The following PCDHA5 variants were observed in gnomAD, a reference collection of about 807,000 sequenced individuals.
PCDHA5 encodes protocadherin alpha 5, also known as protocadherin alpha-5.
In PCDHA5, 43 loss-of-function variants were observed where a neutral mutation model predicts 61.6. The ratio of observed to expected loss-of-function variants is 0.70; its 90% CI spans 0.55 to 0.90. The LOEUF (loss-of-function observed/expected upper bound fraction) is 0.90, where lower values mean the gene tolerates loss of function less well. Ranked by LOEUF, PCDHA5 falls within the 40% of genes least tolerant of loss-of-function variation. The pLI, the probability that PCDHA5 is intolerant of heterozygous loss-of-function variation, is 0.00. For synonymous variants in PCDHA5, 627 were observed against 543.9 expected (o/e 1.15, Z -2.13); for missense variants, 1,298 against 1,222.7 (o/e 1.06, Z -0.92).
intron 1 of PCDHA5, chr5:140,830,292 C>T (rs2150184584): frequency 1.2e-6 from 2 of 1,613,712 alleles, no homozygotes; most frequent in Non-Finnish European, 1.7e-6. Flanking sequence ...GCGTGCACGG[C>T]GGACAAGCCC....
intron 1 of PCDHA5, chr5:140,875,470 G>T: frequency 6.2e-7 from 1 of 1,605,786 alleles, no homozygotes; most frequent in Non-Finnish European, 8.5e-7. Context: ...CTCATTTTCT[G>T]CAATGGTGAT....
chr5:140,925,124 A>AGG (rs1554202565), intron 1 of PCDHA5, among the ~76,000 whole-genome samples: 1 of 151,856 alleles, frequency 6.6e-6, no homozygotes, highest in African/African-American at 2.4e-5. Flanking sequence ...GAAGGAAGGA[A>AGG]AAAAAATTTC....
intron 1 of PCDHA5, among the ~76,000 whole-genome samples, chr5:140,950,128 A>T (rs1488144119): frequency 6.6e-6 from 1 of 151,920 alleles, no homozygotes; most frequent in Non-Finnish European, 1.5e-5. Flanking sequence ...AACCCACAAG[A>T]CACAGTTATA....
chr5:140,984,516 TCA>T (rs1422083367), intron 3 of PCDHA5, among the ~76,000 whole-genome samples: 2 of 152,130 alleles, frequency 1.3e-5, no homozygotes, highest in Non-Finnish European at 2.9e-5. Context: ...GATGCATGAG[TCA>T]CAGTCTTCAT....
At chr5:140,922,661 T>C (rs1255153267) in intron 1 of PCDHA5, among the ~76,000 whole-genome samples, 2 of 152,156 alleles carry the variant, frequency 1.3e-5, no homozygotes, top group African/African-American at 4.8e-5. Context: ...ATGGCTATAC[T>C]GCAAGCAGTA....
chr5:140,853,680 C>T (rs142269623), intron 1 of PCDHA5: 5 of 988,078 alleles, frequency 5.1e-6, no homozygotes, highest in Non-Finnish European at 6.1e-6. Flanking sequence ...TATGGTCAAC[C>T]TATCCTTAGA....
intron 1 of PCDHA5, chr5:140,928,022 G>A: frequency 6.2e-7 from 1 of 1,614,200 alleles, no homozygotes; most frequent in Non-Finnish European, 8.5e-7. Flanking sequence ...AGGGTCATTT[G>A]TGGCATGTCT....
chr5:140,830,704 T>A (rs1771209661), intron 1 of PCDHA5: 2 of 264,612 alleles, frequency 7.6e-6, no homozygotes, highest in Non-Finnish European at 1.4e-5. Flanking sequence ...ACCTCAGAAT[T>A]TTTGTCTTCA....
chr5:140,826,267 G>A (rs1263304586), intron 1 of PCDHA5, among the ~76,000 whole-genome samples: 1 of 152,096 alleles, frequency 6.6e-6, no homozygotes, highest in Non-Finnish European at 1.5e-5. Flanking sequence ...AAGTCTTTAT[G>A]TATATTTTGT....
chr5:140,849,846 A>T, intron 1 of PCDHA5: 5 of 1,598,504 alleles, frequency 3.1e-6, no homozygotes, highest in Non-Finnish European at 4.3e-6. Flanking sequence ...CGTGAACGAC[A>T]ACGCACCAGC....
intron 1 of PCDHA5, among the ~76,000 whole-genome samples, chr5:140,846,989 C>CG (rs1310758236): frequency 2.0e-5 from 3 of 149,196 alleles, no homozygotes; most frequent in African/African-American, 7.4e-5. Context: ...AAGTTCCCCC[C>CG]GGGAGAATAT....
At position 140,822,297 on chromosome 5, in the gene PCDHA5, C is replaced by A. The variant is rs1767263193; in HGVS notation, c.522C>A (p.Asn174Lys). Reference protein sequence around the residue: ...NAQLRYRLNPNEYFDLDVKTN... With the variant: ...NAQLRYRLNPKEYFDLDVKTN... ...AATTGAGATACAGGTTAAATCCAAACGAATATTTTGACTTAGATGTTAAAA... is the reference window on the plus strand; with the variant it reads ...AATTGAGATACAGGTTAAATCCAAAAGAATATTTTGACTTAGATGTTAAAA... Residue 174 changes from asparagine (N) to lysine (K), a missense_variant, in exon 1 of 4, where the codon AAC becomes AAA. Coordinates refer to ENST00000529859, the MANE Select transcript of PCDHA5 (RefSeq NM_018908.3). 3 of 1,614,030 alleles carry A rather than the reference C, an allele frequency of 1.9e-6. No individual in the cohort carries two copies. The highest frequency in any genetic ancestry group is 1.6e-4 in the Middle Eastern group (1 of 6,084).
chr5:140,966,750 C>A, intron 1 of PCDHA5: 1 of 1,428,438 alleles, frequency 7.0e-7, no homozygotes, highest in South Asian at 1.5e-5. Flanking sequence ...CGGCTGCCTC[C>A]GCCGCGGCCA....
At chr5:140,968,569 C>A in intron 1 of PCDHA5, 1 of 1,614,204 alleles carries the variant, frequency 6.2e-7, no homozygotes, top group Middle Eastern at 1.7e-4. Flanking sequence ...CCCCTGCTGG[C>A]TACCTGGTCA....
chr5:140,869,182 G>A (rs2050897144), intron 1 of PCDHA5: 2 of 1,613,976 alleles, frequency 1.2e-6, no homozygotes, highest in East Asian at 2.2e-5. Flanking sequence ...CTGGGAGGTG[G>A]GGAGCGGCCA....
chr5:140,956,585 T>G (rs1004549488), intron 1 of PCDHA5, among the ~76,000 whole-genome samples: 4 of 152,198 alleles, frequency 2.6e-5, no homozygotes, highest in Non-Finnish European at 5.9e-5. Flanking sequence ...CATTGATGCT[T>G]ATCAGGGATA....
At chr5:140,918,348 G>A (rs1184826451) in intron 1 of PCDHA5, among the ~76,000 whole-genome samples, 1 of 152,138 alleles carries the variant, frequency 6.6e-6, no homozygotes, top group Non-Finnish European at 1.5e-5. Context: ...GAGATAGGTT[G>A]ACTTCCTCTC....
intron 1 of PCDHA5, chr5:140,829,759 G>A: frequency 6.2e-7 from 1 of 1,613,768 alleles, no homozygotes; most frequent in Non-Finnish European, 8.5e-7. Flanking sequence ...TGTTCGTGCT[G>A]GACGAGAACG....
Position 140,841,931 on chromosome 5 carries a change from G to T in PCDHA5, c.2352+17804G>T, listed in dbSNP as rs1554138650. ...ATTAAGAAAATCCTTGGACAGAGAG[G>T]ACGCTCCTGCGCACCACTTATTCCT... On this transcript the variant is annotated intron_variant, in intron 1 of 3. Coordinates refer to ENST00000529859, the MANE Select transcript of PCDHA5 (RefSeq NM_018908.3). The T allele has an allele frequency of 4.3e-6, 7 of 1,613,782 alleles. No homozygotes were observed. In the African/African-American group the frequency reaches 9.4e-5, roughly 22 times the overall value.
Sources: gnomAD v4.1 joint callset for allele counts (sites outside exome capture counted in the v4.1 genomes callset) on GRCh38, gnomAD v4.1.1 for gene constraint, MANE v1.5 for transcripts, NCBI Gene and HGNC (gene_info 2026-07-23, HGNC 2026-07-21) for gene names.